The following CDK8 variants were observed in gnomAD, a reference collection of about 807,000 sequenced individuals.
CDK8 encodes cyclin dependent kinase 8.
CDK8 carries 29 observed loss-of-function variants against 71.5 expected under a neutral mutation model. That is an observed-to-expected ratio of 0.41 (90% confidence interval 0.30 to 0.55). The LOEUF is 0.55. Ranked by LOEUF, CDK8 falls within the 20% of genes least tolerant of loss-of-function variation. The pLI is 0.37. For missense variants in CDK8, 288 were observed against 572.6 expected, an observed-to-expected ratio of 0.50 and a Z score of 5.07; for synonymous variants, 161 against 192.1, an observed-to-expected ratio of 0.84 and a Z score of 1.34.
In CDK8 at chr13:26,254,407, G is replaced by C. The variant is rs950202388; in HGVS notation, c.-235G>C. The C allele has an allele frequency of 1.0e-5, 4 of 382,602 alleles. No homozygotes were observed. Among genetic ancestry groups the C allele is most frequent in the African/African-American group, 2.1e-5 (1 of 47,082 alleles). The allele number at this position is 382,602 out of a possible 1,614,324, so 23.7% of individuals were successfully genotyped here. On this transcript the variant is annotated 5_prime_UTR_variant, in exon 1 of 13. Transcript: ENST00000381527. This position sits in a 1 kb window ranked among gnomAD's most constrained non-coding sequence, Gnocchi z 6.7. ...TCGTCCCTCGGCTCTCCTTCGCCGG[G>C]GGATCCTCCCCGTTCCTCCACCCCC...
intron 2 of CDK8, among the ~76,000 whole-genome samples, chr13:26,343,954 A>G (rs1384926647): frequency 2.6e-5 from 4 of 151,926 alleles, no homozygotes; most frequent in Non-Finnish European, 5.9e-5. Context: ...ACATGGGTAA[A>G]TTGCATGTCA....
At chr13:26,304,667 C>T (rs962251412) in intron 1 of CDK8, among the ~76,000 whole-genome samples, 1 of 151,882 alleles carries the variant, frequency 6.6e-6, no homozygotes, top group Non-Finnish European at 1.5e-5. Flanking sequence ...GACAGTGTTT[C>T]CCTCTTTTGC....
chr13:26,265,686 G>T lies in CDK8; in HGVS notation c.128+10917G>T, dbSNP rs373734312. ...GAGTAGCATGCACAAAGACATGAAG[G>T]AAAGATGGTATGTACGGTGAGACAA... is the stretch of plus-strand genomic sequence containing the variant. On this transcript the variant is annotated intron_variant, in intron 1 of 12. Transcript: ENST00000381527. Among the ~76,000 whole-genome samples the T allele has an allele frequency of 3.0e-3, 460 of 152,280 alleles. 6 individuals are homozygous for T. The highest frequency in any genetic ancestry group is 0.024 in the South Asian group (118 of 4,824).
intron 4 of CDK8, chr13:26,359,156 A>G (rs1237004942): frequency 1.2e-5 from 2 of 168,254 alleles, no homozygotes; most frequent in Non-Finnish European, 2.6e-5. Context: ...TTCCACTTTC[A>G]TGAGGTACCT....
chr13:26,393,342 T>C (rs2138062931), intron 6 of CDK8, 25 bp from the exon 7 acceptor site: 1 of 1,425,778 alleles, frequency 7.0e-7, no homozygotes, highest in South Asian at 1.4e-5. Flanking sequence ...TTTTCTTTCT[T>C]TTTTTTTTTC....
At chr13:26,398,621 T>C (rs1201477314) in intron 9 of CDK8, among the ~76,000 whole-genome samples, 1 of 152,206 alleles carries the variant, frequency 6.6e-6, no homozygotes, top group Non-Finnish European at 1.5e-5. Flanking sequence ...CTCTGAAATA[T>C]CAGATCATTA....
At position 26,317,679 on chromosome 13, in the gene CDK8, A is replaced by G. The variant is rs1874575293; in HGVS notation, c.129-19888A>G. Among the ~76,000 whole-genome samples, 3 of 152,160 alleles carry G rather than the reference A, an allele frequency of 2.0e-5. No homozygotes were observed. In the South Asian group the frequency reaches 6.2e-4, roughly 32 times the overall value. On this transcript the variant is annotated intron_variant, in intron 1 of 12. Coordinates refer to ENST00000381527, the MANE Select transcript of CDK8 (RefSeq NM_001260.3). ...CAAAATTGTGGAAATTACACAACAC[A>G]CTCTTTAAACTTCTATTGGTTCAAA...
chr13:26,350,778 GA>G (rs1254544440), intron 3 of CDK8, among the ~76,000 whole-genome samples: 1 of 151,910 alleles, frequency 6.6e-6, no homozygotes, highest in Non-Finnish European at 1.5e-5. Flanking sequence ...ATGCTATATT[GA>G]AAAAAATTAC....
intron 10 of CDK8, 35 bp downstream of exon 10, chr13:26,400,585 T>A (rs746991524): frequency 1.8e-5 from 22 of 1,238,054 alleles, no homozygotes; most frequent in Non-Finnish European, 2.4e-5. Context: ...ATCAGCATGA[T>A]GGAAGTTTTG....
At chr13:26,298,467 A>G (rs1873667559) in intron 1 of CDK8, among the ~76,000 whole-genome samples, 2 of 152,274 alleles carry the variant, frequency 1.3e-5, no homozygotes, top group East Asian at 1.9e-4. Flanking sequence ...GTAAGTGGAA[A>G]GACTTTGCAA....
chr13:26,307,570 C>T (rs1272153736), intron 1 of CDK8, among the ~76,000 whole-genome samples: 2 of 152,158 alleles, frequency 1.3e-5, no homozygotes, highest in East Asian at 3.8e-4. Context: ...TGCTGCACTT[C>T]CTACCCATAA....
At chr13:26,286,492 C>T (rs1873026171) in intron 1 of CDK8, among the ~76,000 whole-genome samples, 7 of 152,316 alleles carry the variant, frequency 4.6e-5, no homozygotes, top group Admixed American at 3.3e-4. Context: ...CCTCATCTCT[C>T]ACCTTATACA....
chr13:26,312,625 C>A (rs1026288742), intron 1 of CDK8, among the ~76,000 whole-genome samples: 30 of 152,134 alleles, frequency 2.0e-4, no homozygotes, highest in African/African-American at 7.0e-4. Context: ...TCCAGACACA[C>A]CATCTTTAAG....
At chr13:26,264,037 G>A (rs955180800) in intron 1 of CDK8, among the ~76,000 whole-genome samples, 8 of 152,170 alleles carry the variant, frequency 5.3e-5, no homozygotes, top group Non-Finnish European at 1.0e-4. Context: ...GTGAGCCACC[G>A]CTCCCAGCCA....
At chr13:26,367,493 G>A (rs1407754109) in intron 4 of CDK8, among the ~76,000 whole-genome samples, 1 of 152,050 alleles carries the variant, frequency 6.6e-6, no homozygotes, top group African/African-American at 2.4e-5. Context: ...GTGTTACCAT[G>A]GGAAGCATTA....
intron 1 of CDK8, among the ~76,000 whole-genome samples, chr13:26,272,437 G>C (rs1872373874): frequency 6.6e-6 from 1 of 152,158 alleles, no homozygotes; most frequent in Non-Finnish European, 1.5e-5. Context: ...CCCCCTGGAA[G>C]GTCTGAGGGG....
At position 26,301,428 on chromosome 13, in the gene CDK8, C is replaced by G. The variant is rs536639120; in HGVS notation, c.129-36139C>G. Among the ~76,000 whole-genome samples the G allele has an allele frequency of 3.1e-4, 47 of 151,974 alleles. No individual in the cohort carries two copies. In the South Asian group the frequency reaches 3.1e-3, roughly 10 times the overall value. ...TCTTTTGTACAATAATTAATTCCTC[C>G]CTGTTAAATTACCTGGTATGGTATC... On this transcript the variant is annotated intron_variant, in intron 1 of 12. Transcript: ENST00000381527.
At chr13:26,332,559 G>A (rs7982693) in intron 1 of CDK8, among the ~76,000 whole-genome samples, 125,808 of 151,648 alleles carry the variant, frequency 0.83, 53,859 homozygotes, top group East Asian at 0.99. Flanking sequence ...GAATTTTGAG[G>A]ACTTTTATTT....
At chr13:26,396,098 A>G (rs1403348454) in intron 7 of CDK8, 187 bp from the exon 8 acceptor site, 1 of 308,264 alleles carries the variant, frequency 3.2e-6, no homozygotes, top group Non-Finnish European at 6.2e-6. Context: ...ATATAAAGTT[A>G]TATAAGGGAT....
Sources: gnomAD v4.1 joint callset for allele counts (sites outside exome capture counted in the v4.1 genomes callset) on GRCh38, gnomAD v4.1.1 for gene constraint, Gnocchi (gnomAD v3.1) non-coding constraint, MANE v1.5 for transcripts, NCBI Gene and HGNC (gene_info 2026-07-23, HGNC 2026-07-21) for gene names.